The following LSAMP variants were observed in gnomAD, a reference collection of about 807,000 sequenced individuals.
LSAMP encodes the protein limbic system associated membrane protein, also known as limbic system-associated membrane protein.
In LSAMP, 7 loss-of-function variants were observed where a neutral mutation model predicts 38.6. That is an observed-to-expected ratio of 0.18 (90% CI 0.10 to 0.34). The LOEUF (loss-of-function observed/expected upper bound fraction) is 0.34, where lower values mean the gene tolerates loss of function less well. Among genes scored for constraint, LSAMP ranks in the 10% least tolerant of loss-of-function variants. LSAMP has a pLI of 1.00. For missense variants in LSAMP, 313 were observed against 420.0 expected, an observed-to-expected ratio of 0.75 and a Z score of 2.23; for synonymous variants, 154 against 166.8, an observed-to-expected ratio of 0.92 and a Z score of 0.59.
chr3:115,922,550 T>C (rs1937406972), intron 3 of LSAMP, among the ~76,000 whole-genome samples: 1 of 152,224 alleles, frequency 6.6e-6, no homozygotes, highest in Non-Finnish European at 1.5e-5. Context: ...ACTTCCATTT[T>C]TAAATTATTA....
intron 1 of LSAMP, among the ~76,000 whole-genome samples, chr3:116,311,791 C>T (rs990031326): frequency 6.6e-6 from 1 of 152,102 alleles, no homozygotes; most frequent in Admixed American, 6.6e-5. Flanking sequence ...CCAGTCATTG[C>T]AGTAGTAGAG....
chr3:116,199,470 G>A (rs1034927820), intron 1 of LSAMP, among the ~76,000 whole-genome samples: 15 of 152,184 alleles, frequency 9.9e-5, no homozygotes, highest in Non-Finnish European at 1.9e-4. Flanking sequence ...GTGTCTAAGA[G>A]TGGGACTGTG....
At chr3:115,900,512 CAAA>C (rs5851983) in intron 3 of LSAMP, among the ~76,000 whole-genome samples, 2,301 of 74,290 alleles carry the variant, frequency 0.031, 49 homozygotes, top group African/African-American at 0.1. Context: ...TGAGACTGTC[CAAA>C]AAAAAAAAAA....
intron 1 of LSAMP, among the ~76,000 whole-genome samples, chr3:116,108,742 T>C (rs879353163): frequency 9.2e-5 from 14 of 152,144 alleles, no homozygotes; most frequent in Non-Finnish European, 1.5e-4. Flanking sequence ...GCTGCAGGCA[T>C]TCCTTGGCCT....
At chr3:116,129,954 T>C (rs1268415822) in intron 1 of LSAMP, among the ~76,000 whole-genome samples, 1 of 152,210 alleles carries the variant, frequency 6.6e-6, no homozygotes, top group African/African-American at 2.4e-5. Flanking sequence ...ACTTTTAATA[T>C]TCACTGTATT....
At chr3:116,390,975 C>G (rs932198557) in intron 1 of LSAMP, among the ~76,000 whole-genome samples, 7 of 152,038 alleles carry the variant, frequency 4.6e-5, no homozygotes, top group African/African-American at 1.7e-4. Flanking sequence ...TCTCCTTGGG[C>G]TGCTGGTTTG....
At chr3:116,205,510 GC>G (rs1385209405) in intron 1 of LSAMP, among the ~76,000 whole-genome samples, 1 of 78,910 alleles carries the variant, frequency 1.3e-5, no homozygotes, top group African/African-American at 5.3e-5. Flanking sequence ...TCCAGTTTTT[GC>G]CCATTTAGTA....
At chr3:116,419,673 G>A (rs2049097001) in intron 1 of LSAMP, among the ~76,000 whole-genome samples, 1 of 152,086 alleles carries the variant, frequency 6.6e-6, no homozygotes, top group Non-Finnish European at 1.5e-5. Context: ...ACTAATAATG[G>A]AAACCCAAGT....
intron 1 of LSAMP, among the ~76,000 whole-genome samples, chr3:116,401,022 C>T (rs1171121683): frequency 6.6e-6 from 1 of 152,172 alleles, no homozygotes; most frequent in Non-Finnish European, 1.5e-5. Context: ...AGAAGACCCA[C>T]TGATAATAGT....
chr3:116,428,485 T>A (rs2049234662), intron 1 of LSAMP, among the ~76,000 whole-genome samples: 1 of 152,178 alleles, frequency 6.6e-6, no homozygotes, highest in South Asian at 2.1e-4. Flanking sequence ...TTTAAGGAAA[T>A]GTCCACTTTT....
chr3:116,384,487 T>C (rs944720469), intron 1 of LSAMP, among the ~76,000 whole-genome samples: 3 of 152,114 alleles, frequency 2.0e-5, no homozygotes, highest in African/African-American at 7.2e-5. Flanking sequence ...TTTCTTATGC[T>C]CACAGAGTGA....
intron 3 of LSAMP, among the ~76,000 whole-genome samples, chr3:115,936,806 G>A (rs926064823): frequency 1.3e-5 from 2 of 152,072 alleles, no homozygotes; most frequent in Non-Finnish European, 2.9e-5. Flanking sequence ...GGAGCAAAGA[G>A]CAGAGTAGCC....
chr3:116,068,599 T>C (rs1337962762), intron 2 of LSAMP, among the ~76,000 whole-genome samples: 4 of 152,214 alleles, frequency 2.6e-5, no homozygotes, highest in East Asian at 3.8e-4. Flanking sequence ...GTTTCAAAGA[T>C]AGAGTGAACA....
Position 116,189,509 on chromosome 3 carries a change from G to A in LSAMP, c.156-102953C>T, listed in dbSNP as rs574594635. Among the ~76,000 whole-genome samples, 37 of 152,200 alleles carry A rather than the reference G, an allele frequency of 2.4e-4. No individual in the cohort carries two copies. The South Asian group carries it at 5.4e-3, about 22-fold the overall frequency. On this transcript the variant is annotated intron_variant, in intron 1 of 6. Transcript: ENST00000490035. ...AAAGCCCATTTATTTCTCAGACCTC[G>A]AAAAGCAAAACCACCTCAGTTCTAG...
rs1487869215 is a variant in LSAMP, at chr3:115,802,512, TC to T, written c.*7804del. The T allele has an allele frequency of 1.4e-5, 2 of 144,430 alleles. No individual in the cohort carries two copies. Among genetic ancestry groups the T allele is most frequent in the African/African-American group, 2.7e-5 (1 of 36,838 alleles). 8.9% of individuals were successfully genotyped at this position (144,430 alleles called of 1,614,324 possible). A position where few individuals can be genotyped will look rare whatever the true frequency, so the allele number is the denominator to read the frequency against. ...AAAAGAAAAGAAAAAAAGCTTTTTT[TC>T]ATTTTAATTTTAATTTTTTTTTTTT... On this transcript the variant is annotated 3_prime_UTR_variant, in exon 7 of 7. Transcript: ENST00000490035.
chr3:116,239,835 G>T (rs1013673645), intron 1 of LSAMP, among the ~76,000 whole-genome samples: 1 of 152,010 alleles, frequency 6.6e-6, no homozygotes, highest in East Asian at 1.9e-4. Context: ...CCACTAATAG[G>T]GGGTAGATCA....
In LSAMP at chr3:116,079,561, G is replaced by C. The variant is rs1365713277; in HGVS notation, c.388+6763C>G. 1.0e-4 allele frequency among the ~76,000 whole-genome samples: 15 copies of C among 148,650 alleles called. No individual in the cohort carries two copies. The South Asian group carries it at 1.3e-3, about 13-fold the overall frequency. On this transcript the variant is annotated intron_variant, in intron 2 of 6. Coordinates refer to ENST00000490035, the MANE Select transcript of LSAMP (RefSeq NM_002338.5). ...CCAGCTACTCGGGAGGCTGAGGCAG[G>C]AGAATCACTGGAACCCTGGAGAATC...
intron 1 of LSAMP, among the ~76,000 whole-genome samples, chr3:116,209,613 GC>G (rs2046125815): frequency 6.6e-6 from 1 of 152,126 alleles, no homozygotes; most frequent in Non-Finnish European, 1.5e-5. Context: ...TAAGAGGGGG[GC>G]TTTGATGTCG....
At chr3:116,328,867 C>G (rs947710501) in intron 1 of LSAMP, among the ~76,000 whole-genome samples, 1 of 152,016 alleles carries the variant, frequency 6.6e-6, no homozygotes, top group Non-Finnish European at 1.5e-5. Context: ...TAACAGTATT[C>G]TTATTTAAAA....
Sources: gnomAD v4.1 joint callset for allele counts (sites outside exome capture counted in the v4.1 genomes callset) on GRCh38, gnomAD v4.1.1 for gene constraint, MANE v1.5 for transcripts, NCBI Gene and HGNC (gene_info 2026-07-23, HGNC 2026-07-21) for gene names.